Variants in AFF1 observed in about 807,000 individuals in gnomAD.
The protein encoded by AFF1 is ALF transcription elongation factor 1.
Under a neutral mutation model 121.7 loss-of-function variants are expected in AFF1, and 48 were observed. The ratio of observed to expected loss-of-function variants is 0.39; its 90% CI spans 0.31 to 0.50. The LOEUF is 0.50. Ranked by LOEUF, AFF1 falls within the 20% of genes least tolerant of loss-of-function variation. AFF1 has a pLI of 0.76. For synonymous variants in AFF1, 613 were observed against 563.0 expected, an observed-to-expected ratio of 1.09 and a Z score of -1.26; for missense variants, 1,523 against 1,511.7, an observed-to-expected ratio of 1.01 and a Z score of -0.12.
chr4:87,055,583 A>G (rs1720037015), intron 4 of AFF1, among the ~76,000 whole-genome samples: 1 of 152,136 alleles, frequency 6.6e-6, no homozygotes, highest in Non-Finnish European at 1.5e-5. Context: ...CCCAGACTGC[A>G]TGTGCTCTCC....
At chr4:87,050,473 C>T (rs997151605) in intron 4 of AFF1, among the ~76,000 whole-genome samples, 3 of 152,182 alleles carry the variant, frequency 2.0e-5, no homozygotes, top group African/African-American at 7.2e-5. Context: ...CATTCTCTAG[C>T]CACCTAAGTG....
intron 2 of AFF1, among the ~76,000 whole-genome samples, chr4:86,978,133 T>G (rs17752307): frequency 0.15 from 22,499 of 148,604 alleles, 2,327 homozygotes; most frequent in East Asian, 0.31. Flanking sequence ...TAAAATGATG[T>G]CTCATTGATG....
intron 8 of AFF1, among the ~76,000 whole-genome samples, chr4:87,099,562 C>T (rs1475355488): frequency 6.6e-6 from 1 of 152,188 alleles, no homozygotes; most frequent in African/African-American, 2.4e-5. Context: ...GCACACACCA[C>T]CATACCTGGC....
chr4:86,959,507 T>TA (rs1553909414), intron 2 of AFF1, among the ~76,000 whole-genome samples: 4 of 146,060 alleles, frequency 2.7e-5, no homozygotes, highest in South Asian at 2.2e-4. Context: ...TTTTTTTTTT[T>TA]CCCAATGTGA....
intron 5 of AFF1, 51 bp from the exon 6 acceptor site, chr4:87,089,933 A>C: frequency 7.4e-7 from 1 of 1,346,626 alleles, no homozygotes; most frequent in Non-Finnish European, 1.1e-6. Flanking sequence ...AGTAGCAATG[A>C]ATGTTCTATT....
intron 4 of AFF1, among the ~76,000 whole-genome samples, chr4:87,068,842 A>G (rs1250172755): frequency 6.6e-6 from 1 of 152,164 alleles, no homozygotes; most frequent in Non-Finnish European, 1.5e-5. Flanking sequence ...ACAGTGACCT[A>G]GTGGCACCGA....
intron 2 of AFF1, chr4:87,007,565 C>T: frequency 8.6e-7 from 1 of 1,169,154 alleles, no homozygotes; most frequent in Non-Finnish European, 1.2e-6. Context: ...GAGGCTGTGG[C>T]TTGACTAAAT....
At chr4:86,949,710 C>A in intron 2 of AFF1, 1 of 1,584,730 alleles carries the variant, frequency 6.3e-7, no homozygotes, top group Non-Finnish European at 8.6e-7. Context: ...GGCGGGTAGT[C>A]CCGGAACTCC....
At position 87,114,511 on chromosome 4, in the gene AFF1, A is replaced by G. The variant is rs373757306; in HGVS notation, c.1678A>G (p.Ser560Gly). ...ESKGSSDSAT[S>G]QEHSESKDPP... ...TAAGGGCAGCAGCGACAGTGCCACG[A>G]GTCAGGAGCATTCTGAATCCAAAGA... The change falls in exon 12 of 21, where the codon AGT (serine) becomes GGT (glycine). Residue 560 changes from serine to glycine, a missense_variant. By Grantham distance (56) the Ser-to-Gly change is moderately conservative (BLOSUM62 0). This residue lies in a region of AFF1 where 905 missense variants were observed against 842.5 expected (regional missense o/e 1.07). Coordinates refer to ENST00000395146, the MANE Select transcript of AFF1 (RefSeq NM_001166693.3). The G allele has an allele frequency of 2.4e-5, 39 of 1,613,506 alleles. 1 individual carries two copies. Among genetic ancestry groups the G allele is most frequent in the Non-Finnish European group, 8.5e-6 (10 of 1,179,952 alleles).
intron 6 of AFF1, 122 bp downstream of exon 6, chr4:87,090,192 G>T: frequency 1.4e-6 from 1 of 736,738 alleles, no homozygotes; most frequent in Admixed American, 2.7e-5. Context: ...TTAAAATTAT[G>T]ATTAATTTAG....
intron 2 of AFF1, among the ~76,000 whole-genome samples, chr4:87,019,887 G>GGGGGA (rs140752607): frequency 7.2e-6 from 1 of 138,684 alleles, no homozygotes; most frequent in African/African-American, 2.7e-5. Context: ...AAGGGGTCGG[G>GGGGGA]GGGGGGCAGT....
At chr4:87,006,786 CG>C in intron 2 of AFF1, among the ~76,000 whole-genome samples, 1 of 152,350 alleles carries the variant, frequency 6.6e-6, no homozygotes, top group Non-Finnish European at 1.5e-5. Context: ...TCGAGGAGCC[CG>C]CAGGCGGGGC....
rs564031046 is a variant in AFF1 at position 86,953,131 on chromosome 4, G to T, written c.38+4560G>T. Among the ~76,000 whole-genome samples the T allele has an allele frequency of 1.7e-3, 255 of 152,154 alleles. 2 individuals carry two copies. The highest frequency in any genetic ancestry group is 2.9e-3 in the Admixed American group (45 of 15,270). ...TTATAGTAACATTCTAGCAATTACAGAGCTGTTTTTATTATTTGTTACTTT... is the reference window on the plus strand; with the variant it reads ...TTATAGTAACATTCTAGCAATTACATAGCTGTTTTTATTATTTGTTACTTT... On this transcript the variant is annotated intron_variant, in intron 2 of 20. Transcript: ENST00000395146.
At chr4:87,013,819 A>G (rs996135038) in intron 2 of AFF1, among the ~76,000 whole-genome samples, 5 of 152,094 alleles carry the variant, frequency 3.3e-5, no homozygotes, top group African/African-American at 1.2e-4. Context: ...GCTTGTTAGT[A>G]TGCAGATTCT....
chr4:86,963,963 G>GTTTTTTTTTTTTTTTTTTT (rs3035477), intron 2 of AFF1, among the ~76,000 whole-genome samples: 1 of 104,364 alleles, frequency 9.6e-6, no homozygotes, highest in African/African-American at 3.8e-5. Context: ...GACTAGACTG[G>GTTTTTTTTTTTTTTTTTTT]TTTTTTTTTT....
At position 86,998,627 on chromosome 4, in the gene AFF1, GT is replaced by G. The variant is rs372286163; in HGVS notation, c.39-47530del. Among the ~76,000 whole-genome samples, 87 of 149,908 alleles carry G rather than the reference GT, an allele frequency of 5.8e-4. 1 individual carries two copies. The highest frequency in any genetic ancestry group is 6.9e-3 in the Middle Eastern group (2 of 290). ...CTAACAAACATACTGTATTGTACCT[GT>G]TTTTTTTTCCTTTTAAAAATTATTG... On this transcript the variant is annotated intron_variant, in intron 2 of 20. Coordinates refer to ENST00000395146, the MANE Select transcript of AFF1 (RefSeq NM_001166693.3).
At chr4:86,939,711 A>G (rs1271042121) in intron 1 of AFF1, among the ~76,000 whole-genome samples, 1 of 152,230 alleles carries the variant, frequency 6.6e-6, no homozygotes, top group Non-Finnish European at 1.5e-5. Flanking sequence ...TTATAGATAC[A>G]GTGAATATGT....
intron 2 of AFF1, among the ~76,000 whole-genome samples, chr4:86,996,637 T>A (rs1202160798): frequency 6.6e-6 from 1 of 151,844 alleles, no homozygotes; most frequent in Admixed American, 6.6e-5. Context: ...CTTTGTTCAC[T>A]TGTTTATCTG....
chr4:87,052,485 G>A (rs1359534189), intron 4 of AFF1, among the ~76,000 whole-genome samples: 2 of 152,114 alleles, frequency 1.3e-5, no homozygotes, highest in Non-Finnish European at 2.9e-5. Flanking sequence ...AACACTGAGA[G>A]TGAGGGGAGG....
Sources: gnomAD v4.1 joint callset for allele counts (sites outside exome capture counted in the v4.1 genomes callset) on GRCh38, gnomAD v4.1.1 for gene constraint, gnomAD v4.1.1 regional missense constraint, MANE v1.5 for transcripts, NCBI Gene and HGNC (gene_info 2026-07-23, HGNC 2026-07-21) for gene names.